Variants in ZNF462 observed in about 807,000 individuals in gnomAD.
The protein encoded by ZNF462 is zinc finger protein 462, also known as zinc finger PBX1-interacting protein.
A neutral mutation model predicts 201.9 loss-of-function variants in ZNF462; 10 were observed. The ratio of observed to expected loss-of-function variants is 0.05; its 90% CI spans 0.03 to 0.08. The LOEUF (loss-of-function observed/expected upper bound fraction) is 0.08. Ranked by LOEUF, ZNF462 falls within the 10% of genes least tolerant of loss-of-function variation. ZNF462 has a pLI of 1.00. For synonymous variants in ZNF462, 1,227 were observed against 1,193.3 expected (o/e 1.03, Z -0.58); for missense variants, 2,523 against 3,168.3 (o/e 0.80, Z 4.89).
In ZNF462 at chr9:106,932,829, A is replaced by T; in HGVS notation, c.6116+280A>T. 1 of 542,044 alleles carries T rather than the reference A, an allele frequency of 1.8e-6. No individual in the cohort carries two copies. The highest frequency in any genetic ancestry group is 3.5e-5 in the Admixed American group (1 of 28,188). The allele number at this position is 542,044 out of a possible 1,614,324, so 33.6% of individuals were successfully genotyped here. On this transcript the variant is annotated intron_variant, in intron 5 of 12. Transcript: ENST00000277225. This position sits in a 1 kb window ranked among gnomAD's most constrained non-coding sequence, Gnocchi z 6.8. The stretch of plus-strand genomic sequence containing the variant: ...AGGTAAAATGGCATCTGTGGAGAGT[A>T]GATGAGTCTCCTGATTCATCGTTCA...
chr9:106,879,877 A>G (rs541776417), intron 1 of ZNF462, among the ~76,000 whole-genome samples: 1 of 152,326 alleles, frequency 6.6e-6, no homozygotes, highest in South Asian at 2.1e-4. Context: ...GGCTGAAACC[A>G]GGTCCTCTCA....
chr9:106,928,394 T>C lies in ZNF462; in HGVS notation c.4482T>C (p.Pro1494=), dbSNP rs754766253. ...TCACTCATTATGGGAAGAAGCACCC[T>C]GGCATGAAAGTGAAGGCTGCTGACT... ...GLLTHYGKKH[P]GMKVKAADFA... The change falls in exon 3 of 13, where the codon CCT becomes CCC. Residue 1494 remains proline (P), a synonymous_variant. Transcript: ENST00000277225. The surrounding 1 kb of genome is among the most constrained non-coding windows in gnomAD (Gnocchi z 9.3). 8.7e-6 allele frequency: 14 copies of C among 1,614,040 alleles called. No individual in the cohort carries two copies. The Admixed American group carries it at 2.3e-4, about 27-fold the overall frequency.
chr9:106,997,675 T>C (rs1293945506), intron 10 of ZNF462, among the ~76,000 whole-genome samples: 1 of 152,156 alleles, frequency 6.6e-6, no homozygotes, highest in Non-Finnish European at 1.5e-5. Flanking sequence ...GCTGAATCTT[T>C]GTCCCACTGT....
intron 10 of ZNF462, among the ~76,000 whole-genome samples, chr9:106,994,802 C>T (rs1828573657): frequency 5.3e-5 from 8 of 152,108 alleles, no homozygotes; most frequent in Admixed American, 5.2e-4. Flanking sequence ...TTACCTGTGC[C>T]TTCGAAACCA....
chr9:106,881,536 T>C (rs948818264), intron 1 of ZNF462, among the ~76,000 whole-genome samples: 5 of 152,228 alleles, frequency 3.3e-5, no homozygotes, highest in Non-Finnish European at 7.3e-5. Flanking sequence ...GCTTGACATA[T>C]AGTAGACACA....
Position 106,890,866 on chromosome 9 carries a change from AC to A in ZNF462, c.-31+27514del, listed in dbSNP as rs1308009712. Among the ~76,000 whole-genome samples the A allele has an allele frequency of 6.6e-6, 1 of 152,190 alleles. No homozygotes were observed. The highest frequency in any genetic ancestry group is 6.6e-5 in the Admixed American group (1 of 15,264). On this transcript the variant is annotated intron_variant, in intron 1 of 12. Transcript: ENST00000277225. The surrounding 1 kb of genome is among the most constrained non-coding windows in gnomAD (Gnocchi z 4.2). The stretch of plus-strand genomic sequence containing the variant: ...GCCAGCAATAGTGAACAAAGAGATG[AC>A]CCAAGCAACTTTCTCACTTTTATTC...
intron 10 of ZNF462, among the ~76,000 whole-genome samples, chr9:106,992,447 G>C (rs145588861): frequency 6.6e-6 from 1 of 152,038 alleles, no homozygotes. Context: ...TTGTTTATAA[G>C]TTAAACGTAC....
rs1170880677 is a variant in ZNF462, at chr9:106,890,229, G to A, written c.-31+26874G>A. Among the ~76,000 whole-genome samples the A allele has an allele frequency of 6.6e-6, 1 of 152,196 alleles. No individual in the cohort carries two copies. The highest frequency in any genetic ancestry group is 2.4e-5 in the African/African-American group (1 of 41,440). On this transcript the variant is annotated intron_variant, in intron 1 of 12. Transcript: ENST00000277225. The surrounding 1 kb of genome is among the most constrained non-coding windows in gnomAD (Gnocchi z 4.2). Reference sequence around the variant, plus strand: ...AATTTCGTGGCCTTGACTGAGCTGTGTATGGCCTCACTCTTCAATTCTGTT... The same window carrying A: ...AATTTCGTGGCCTTGACTGAGCTGTATATGGCCTCACTCTTCAATTCTGTT...
rs1830320634 is a variant in ZNF462 at position 106,929,119 on chromosome 9, T to C, written c.5207T>C (p.Ile1736Thr). 1.2e-6 allele frequency: 2 copies of C among 1,614,072 alleles called. No individual in the cohort carries two copies. Among genetic ancestry groups the C allele is most frequent in the Non-Finnish European group, 1.7e-6 (2 of 1,180,014 alleles). Reference protein sequence around the residue: ...YTHCLAASRTISDKPNKVIIP... With the variant: ...YTHCLAASRTTSDKPNKVIIP... ...CACTGCTTGGCAGCCTCCAGGACCA[T>C]CAGCGACAAGCCCAACAAAGTGATC... is the stretch of plus-strand genomic sequence containing the variant. The change falls in exon 3 of 13, where the codon ATC becomes ACC. Residue 1736 changes from isoleucine (I) to threonine (T), a missense_variant. Transcript: ENST00000277225. This position sits in a 1 kb window ranked among gnomAD's most constrained non-coding sequence, Gnocchi z 8.7.
Position 107,008,565 on chromosome 9 carries a change from TGGCAAG to T in ZNF462, c.7190-978_7190-973del, listed in dbSNP as rs1485597020. On this transcript the variant is annotated intron_variant, in intron 11 of 12. Coordinates refer to ENST00000277225, the MANE Select transcript of ZNF462 (RefSeq NM_021224.6). This position sits in a 1 kb window ranked among gnomAD's most constrained non-coding sequence, Gnocchi z 4.8. Reference sequence around the variant, plus strand: ...TCACTTTGCAACACGGCTGCAGAACTGGCAAGGTCCTGCTGTTTATTACCTACATGA... The same window carrying T: ...TCACTTTGCAACACGGCTGCAGAACTGTCCTGCTGTTTATTACCTACATGA... Among the ~76,000 whole-genome samples the T allele has an allele frequency of 1.3e-5, 2 of 152,172 alleles. No individual in the cohort carries two copies. Among genetic ancestry groups the T allele is most frequent in the Non-Finnish European group, 2.9e-5 (2 of 68,042 alleles).
intron 10 of ZNF462, among the ~76,000 whole-genome samples, chr9:106,989,721 G>C (rs767510563): frequency 1.3e-5 from 2 of 152,024 alleles, no homozygotes; most frequent in African/African-American, 2.4e-5. Flanking sequence ...CTCGCTACTT[G>C]TCATTGGTCT....
intron 7 of ZNF462, among the ~76,000 whole-genome samples, chr9:106,961,421 G>T (rs898812129): frequency 6.6e-6 from 1 of 152,244 alleles, no homozygotes; most frequent in South Asian, 2.1e-4. Flanking sequence ...ACATGGTTCA[G>T]TGTTTCAGTG....
intron 1 of ZNF462, among the ~76,000 whole-genome samples, chr9:106,908,910 CAT>C (rs1192231869): frequency 0.067 from 2,923 of 43,872 alleles, 86 homozygotes; most frequent in Middle Eastern, 0.1. Context: ...CCCATATATA[CAT>C]ATATATATAT....
Position 106,950,301 on chromosome 9 carries a change from G to A in ZNF462, c.6427+11194G>A, listed in dbSNP as rs556734134. ...TTTCAAGGTATTTTCTTAAGTGAAA[G>A]AGACAGGAATAGAGCCACAACCAAT... On this transcript the variant is annotated intron_variant, in intron 7 of 12. Transcript: ENST00000277225. This position sits in a 1 kb window ranked among gnomAD's most constrained non-coding sequence, Gnocchi z 4.1. Among the ~76,000 whole-genome samples the A allele has an allele frequency of 6.6e-6, 1 of 152,294 alleles. No homozygotes were observed. The highest frequency in any genetic ancestry group is 2.1e-4 in the South Asian group (1 of 4,828).
rs972691761 is a variant in ZNF462, at chr9:106,977,154, A to G, written c.6832+2881A>G. 2.0e-5 allele frequency among the ~76,000 whole-genome samples: 3 copies of G among 152,166 alleles called. No individual in the cohort carries two copies. The highest frequency in any genetic ancestry group is 4.4e-5 in the Non-Finnish European group (3 of 68,030). On this transcript the variant is annotated intron_variant, in intron 9 of 12. Coordinates refer to ENST00000277225, the MANE Select transcript of ZNF462 (RefSeq NM_021224.6). The surrounding 1 kb of genome is among the most constrained non-coding windows in gnomAD (Gnocchi z 4.6). ...GGCTTTGGTGTCCATCTCTACTCAA[A>G]ATGGCAGCTCAGTAGGAAGCTGACC...
chr9:106,948,112 A>T (rs1029486878), intron 7 of ZNF462, among the ~76,000 whole-genome samples: 2 of 152,110 alleles, frequency 1.3e-5, no homozygotes, highest in East Asian at 1.9e-4. Flanking sequence ...ATGCAGGTGG[A>T]TGGAAGGAGT....
Position 106,930,281 on chromosome 9 carries a change from G to T in ZNF462, c.5848-244G>T, listed in dbSNP as rs543982018. 6.6e-6 allele frequency among the ~76,000 whole-genome samples: 1 copy of T among 152,244 alleles called. No homozygotes were observed. Among genetic ancestry groups the T allele is most frequent in the Admixed American group, 6.5e-5 (1 of 15,304 alleles). On this transcript the variant is annotated intron_variant, in intron 3 of 12. Transcript: ENST00000277225. This position sits in a 1 kb window ranked among gnomAD's most constrained non-coding sequence, Gnocchi z 5.8. ...GATGACTTAGTGGCAGTGACGATGA[G>T]CTTCTGCACAGAAATCTTCTCTACT...
At chr9:106,901,059 T>C (rs2131182029) in intron 1 of ZNF462, among the ~76,000 whole-genome samples, 1 of 152,326 alleles carries the variant, frequency 6.6e-6, no homozygotes, top group East Asian at 1.9e-4. Context: ...GAGTTGATTT[T>C]TGTATAAAGT....
In ZNF462 at chr9:106,887,738, GATTGCGTTGCAACAT is replaced by G. The variant is rs1353146514; in HGVS notation, c.-31+24385_-31+24399del. Among the ~76,000 whole-genome samples the G allele has an allele frequency of 3.3e-5, 5 of 152,160 alleles. No homozygotes were observed. In the East Asian group the frequency reaches 9.6e-4, roughly 29 times the overall value. The stretch of plus-strand genomic sequence containing the variant: ...TTATTGTTGAATTCACAGGGGTCAT[GATTGCGTTGCAACAT>G]ACTAGAATCTCTAGATTTCAAATAG... On this transcript the variant is annotated intron_variant, in intron 1 of 12. Transcript: ENST00000277225.
Sources: gnomAD v4.1 joint callset for allele counts (sites outside exome capture counted in the v4.1 genomes callset) on GRCh38, gnomAD v4.1.1 for gene constraint, Gnocchi (gnomAD v3.1) non-coding constraint, MANE v1.5 for transcripts, NCBI Gene and HGNC (gene_info 2026-07-23, HGNC 2026-07-21) for gene names.